Variants in PDE10A observed in about 807,000 individuals in gnomAD.
The protein encoded by PDE10A is phosphodiesterase 10A.
In PDE10A, 39 loss-of-function variants were observed where a neutral mutation model predicts 97.7. The ratio of observed to expected loss-of-function variants is 0.40; its 90% CI spans 0.31 to 0.52. PDE10A has a LOEUF of 0.52. Ranked by LOEUF, PDE10A falls within the 20% of genes least tolerant of loss-of-function variation. PDE10A has a pLI of 0.56. For synonymous variants in PDE10A, 371 were observed against 376.8 expected, an observed-to-expected ratio of 0.98 and a Z score of 0.18; for missense variants, 731 against 1,047.8, an observed-to-expected ratio of 0.70 and a Z score of 4.17.
intron 18 of PDE10A, 24 bp from the exon 19 acceptor site, chr6:165,343,526 G>T (rs746597553): frequency 1.1e-5 from 17 of 1,494,406 alleles, no homozygotes; most frequent in Admixed American, 5.0e-5. Context: ...ATATAAGACT[G>T]GTCAGCATAG....
chr6:165,710,324 A>G (rs1791862756), intron 1 of PDE10A, among the ~76,000 whole-genome samples: 3 of 152,142 alleles, frequency 2.0e-5, no homozygotes, highest in Non-Finnish European at 4.4e-5. Flanking sequence ...GGGCAAAAAC[A>G]TATTTGTAGA....
intron 1 of PDE10A, among the ~76,000 whole-genome samples, chr6:165,609,027 G>A (rs1315100754): frequency 2.0e-5 from 3 of 152,184 alleles, no homozygotes; most frequent in Non-Finnish European, 4.4e-5. Flanking sequence ...CAGATGAGTA[G>A]ATTGCAAAAA....
chr6:165,787,428 A>G (rs1778526516), intron 1 of PDE10A, among the ~76,000 whole-genome samples: 2 of 152,210 alleles, frequency 1.3e-5, no homozygotes, highest in South Asian at 4.1e-4. Flanking sequence ...CTGCACCCAA[A>G]TTACTGAAGG....
chr6:165,738,064 A>G (rs1792625093), intron 1 of PDE10A, among the ~76,000 whole-genome samples: 2 of 151,656 alleles, frequency 1.3e-5, no homozygotes, highest in African/African-American at 4.8e-5. Context: ...CACATTGTGC[A>G]GGTTAGTTAC....
intron 1 of PDE10A, among the ~76,000 whole-genome samples, chr6:165,979,336 T>C (rs1784942501): frequency 6.6e-6 from 1 of 152,214 alleles, no homozygotes; most frequent in African/African-American, 2.4e-5. Flanking sequence ...AACATGTTTC[T>C]GCTTCTCTCT....
At chr6:165,370,984 G>A (rs1330675605) in intron 18 of PDE10A, among the ~76,000 whole-genome samples, 1 of 134,254 alleles carries the variant, frequency 7.4e-6, no homozygotes, top group African/African-American at 3.0e-5. Context: ...TGACTACTGG[G>A]TACATAACGA....
chr6:165,567,993 C>CCTTTTTTTTTTTTTTTTTTTTTTTT (rs370865492), intron 1 of PDE10A, among the ~76,000 whole-genome samples: 1 of 115,602 alleles, frequency 8.7e-6, no homozygotes, highest in African/African-American at 3.2e-5. Flanking sequence ...CGCAACAAGG[C>CCTTTTTTTTTTTTTTTTTTTTTTTT]ATTTTTTTTT....
intron 1 of PDE10A, among the ~76,000 whole-genome samples, chr6:165,805,197 G>T (rs1277618657): frequency 6.6e-6 from 1 of 152,054 alleles, no homozygotes; most frequent in Non-Finnish European, 1.5e-5. Context: ...CGCGAAGTTG[G>T]AGAGGCCTCG....
At chr6:165,818,076 G>C (rs1277973922) in intron 1 of PDE10A, among the ~76,000 whole-genome samples, 1 of 152,140 alleles carries the variant, frequency 6.6e-6, no homozygotes, top group African/African-American at 2.4e-5. Context: ...TGTGTAGACA[G>C]AACGCTCAAT....
At chr6:165,335,248 G>GA (rs1781578361) in intron 21 of PDE10A, among the ~76,000 whole-genome samples, 1 of 152,052 alleles carries the variant, frequency 6.6e-6, no homozygotes, top group African/African-American at 2.4e-5. Flanking sequence ...TCTGGAATGA[G>GA]AAAAAGACTT....
chr6:165,974,435 T>C (rs1186346879), intron 1 of PDE10A, among the ~76,000 whole-genome samples: 1 of 152,188 alleles, frequency 6.6e-6, no homozygotes, highest in Non-Finnish European at 1.5e-5. Context: ...AAAGAACCTG[T>C]CTGCCCCTTG....
intron 1 of PDE10A, among the ~76,000 whole-genome samples, chr6:165,709,967 G>A (rs751686954): frequency 4.6e-5 from 7 of 151,866 alleles, no homozygotes; most frequent in African/African-American, 9.7e-5. Flanking sequence ...CAATCCCTGT[G>A]ACGGCCTCAC....
intron 1 of PDE10A, among the ~76,000 whole-genome samples, chr6:165,960,128 C>T (rs1215838533): frequency 6.6e-6 from 1 of 152,048 alleles, no homozygotes; most frequent in Non-Finnish European, 1.5e-5. Context: ...AGCTGCTGTA[C>T]TTCAAAAGCC....
chr6:165,408,628 C>T (rs777765601), intron 13 of PDE10A, among the ~76,000 whole-genome samples: 102 of 152,118 alleles, frequency 6.7e-4, no homozygotes, highest in African/African-American at 9.6e-4. Flanking sequence ...TACATGGATG[C>T]TTTCTTCAAC....
intron 1 of PDE10A, among the ~76,000 whole-genome samples, chr6:165,916,103 T>C (rs1481477737): frequency 1.3e-5 from 2 of 152,234 alleles, no homozygotes; most frequent in East Asian, 3.8e-4. Flanking sequence ...TTAACATTGC[T>C]ATGGGAACAT....
At chr6:165,802,159 G>A (rs1192851464) in intron 1 of PDE10A, among the ~76,000 whole-genome samples, 2 of 152,122 alleles carry the variant, frequency 1.3e-5, no homozygotes, top group African/African-American at 4.8e-5. Context: ...CTCTCTCCCT[G>A]GCTTTGATAA....
intron 1 of PDE10A, among the ~76,000 whole-genome samples, chr6:165,973,877 T>C (rs1198532453): frequency 6.6e-6 from 1 of 152,254 alleles, no homozygotes; most frequent in Non-Finnish European, 1.5e-5. Context: ...CTTTCTTCAA[T>C]AACATGCAGA....
At chr6:165,546,495 A>C (rs1783746886) in intron 1 of PDE10A, among the ~76,000 whole-genome samples, 1 of 152,124 alleles carries the variant, frequency 6.6e-6, no homozygotes. Flanking sequence ...AATGTATTAC[A>C]CATGTAATAT....
At chr6:165,811,692 G>T (rs912269780) in intron 1 of PDE10A, among the ~76,000 whole-genome samples, 3 of 152,184 alleles carry the variant, frequency 2.0e-5, no homozygotes, top group African/African-American at 7.2e-5. Flanking sequence ...TCCTGCTCCT[G>T]AGGCCGGGAG....
Sources: gnomAD v4.1 joint callset for allele counts (sites outside exome capture counted in the v4.1 genomes callset) on GRCh38, gnomAD v4.1.1 for gene constraint, MANE v1.5 for transcripts, NCBI Gene and HGNC (gene_info 2026-07-23, HGNC 2026-07-21) for gene names.